The following ACE variants were observed in gnomAD, a reference collection of about 807,000 sequenced individuals.
The protein encoded by ACE is angiotensin I converting enzyme.
In ACE, 122 loss-of-function variants were observed where a neutral mutation model predicts 162.3. The observed-to-expected ratio is 0.75, with a 90% CI of 0.65 to 0.87. The LOEUF (loss-of-function observed/expected upper bound fraction) is 0.87, where lower values mean the gene tolerates loss of function less well. ACE is among the 40% of genes least tolerant of loss of function. The pLI is 0.00. For synonymous variants in ACE, 796 were observed against 720.6 expected, an observed-to-expected ratio of 1.10 and a Z score of -1.68; for missense variants, 1,799 against 1,735.1, an observed-to-expected ratio of 1.04 and a Z score of -0.65.
At chr17:63,496,599 G>A (rs1303625154) in intron 23 of ACE, 83 bp downstream of exon 23, 1 of 1,610,034 alleles carries the variant, frequency 6.2e-7, no homozygotes, top group Non-Finnish European at 8.5e-7. Context: ...TGGAGCTTTT[G>A]TGGGAACACT....
intron 15 of ACE, 139 bp from the exon 16 acceptor site, chr17:63,488,509 A>G: frequency 3.6e-6 from 3 of 827,616 alleles, no homozygotes; most frequent in Non-Finnish European, 5.8e-6. Flanking sequence ...CCTTTCTCCC[A>G]TTTCTCTAGA....
chr17:63,482,298 C>CT (rs1365066007), intron 7 of ACE, among the ~76,000 whole-genome samples, 168 bp from the exon 8 acceptor site: 1 of 148,738 alleles, frequency 6.7e-6, no homozygotes, highest in Non-Finnish European at 1.5e-5. Flanking sequence ...GAGACGCTGT[C>CT]TCAAAAAAAA....
rs780322539 is a variant in ACE, at chr17:63,479,923, C to G, written c.655+11C>G. 7 of 1,604,338 alleles carry G rather than the reference C, an allele frequency of 4.4e-6. No homozygotes were observed. The South Asian group carries it at 7.7e-5, about 18-fold the overall frequency. ...CCTACAAGCAGGACGGTGAGCAGGC[C>G]TCTCCCTGTCCAGGAACCACGCCAG... is the stretch of plus-strand genomic sequence containing the variant. On this transcript the variant is annotated intron_variant, in intron 4 of 24. Transcript: ENST00000290866.
At chr17:63,480,207 A>T in intron 4 of ACE, 130 bp from the exon 5 acceptor site, 2 of 1,035,928 alleles carry the variant, frequency 1.9e-6, no homozygotes, top group South Asian at 2.7e-5. Flanking sequence ...TAGAGTGGCA[A>T]CCCCCAAGCC....
At chr17:63,489,389 A>G (rs1392243281) in intron 17 of ACE, among the ~76,000 whole-genome samples, 1 of 152,152 alleles carries the variant, frequency 6.6e-6, no homozygotes, top group Non-Finnish European at 1.5e-5. Flanking sequence ...AATCTTGTCC[A>G]GGAGACCACG....
rs1480664987 is a variant in ACE at position 63,491,844 on chromosome 17, C to T, written c.2912+463C>T. 6.6e-6 allele frequency among the ~76,000 whole-genome samples: 1 copy of T among 152,218 alleles called. No individual in the cohort carries two copies. The highest frequency in any genetic ancestry group is 1.5e-5 in the Non-Finnish European group (1 of 68,038). Reference sequence around the variant, plus strand: ...TTACCTATTGCTGTGCAACCAAGCACCCCAGAGCTTAGCCTTACGAAACAA... The same window carrying T: ...TTACCTATTGCTGTGCAACCAAGCATCCCAGAGCTTAGCCTTACGAAACAA... On this transcript the variant is annotated intron_variant, in intron 19 of 24. Transcript: ENST00000290866. This position sits in a 1 kb window ranked among gnomAD's most constrained non-coding sequence, Gnocchi z 4.4.
Position 63,482,528 on chromosome 17 carries a change from A to T in ACE, c.1181A>T (p.His394Leu). 6.2e-7 allele frequency: 1 copy of T among 1,614,054 alleles called. No individual in the cohort carries two copies. Among genetic ancestry groups the T allele is most frequent in the Non-Finnish European group, 8.5e-7 (1 of 1,180,000 alleles). Residue 394 changes from histidine to leucine, a missense_variant, in exon 8 of 25, where the codon CAT (histidine) becomes CTT (leucine). By Grantham distance (99) the His-to-Leu change is moderately conservative (BLOSUM62 -3). Coordinates refer to ENST00000290866, the MANE Select transcript of ACE (RefSeq NM_000789.4). ...TCCACAGTGCACCATGAGATGGGCC[A>T]TATACAGTACTACCTGCAGTACAAG... ...QLSTVHHEMG[H>L]IQYYLQYKDL...
chr17:63,483,217 C>A (rs775624416), intron 9 of ACE, 44 bp downstream of exon 9: 30 of 1,611,878 alleles, frequency 1.9e-5, no homozygotes, highest in Non-Finnish European at 2.3e-5. Flanking sequence ...CTAGCCCTCC[C>A]CAGCCTCCTG....
Position 63,497,082 on chromosome 17 carries a change from C to T in ACE, c.3692-55C>T, listed in dbSNP as rs2242638. 1.6e-3 allele frequency: 2,530 copies of T among 1,589,974 alleles called. 29 individuals carry two copies. In the East Asian group the frequency reaches 0.039, roughly 24 times the overall value. On this transcript the variant is annotated intron_variant, in intron 24 of 24. Coordinates refer to ENST00000290866, the MANE Select transcript of ACE (RefSeq NM_000789.4). ...CCTCGGAGCCTGGCCCTGCCCCGCA[C>T]CCTTGCCCTGCCCTGCCCTGCCCTG...
Position 63,486,661 on chromosome 17 carries a change from A to G in ACE, c.2163A>G (p.Ile721Met), listed in dbSNP as rs1424703433. Residue 721 changes from isoleucine to methionine, a missense_variant, in exon 14 of 25, where the codon ATA (isoleucine) becomes ATG (methionine). Physicochemically the swap from Ile to Met is conservative, Grantham distance 10. Coordinates refer to ENST00000290866, the MANE Select transcript of ACE (RefSeq NM_000789.4). ...AGAACACCACTATCAAGCGGATCAT[A>G]AAGAAGGTTCAGGACCTAGAACGGG... ...QLQNTTIKRI[I>M]KKVQDLERAA... 6.2e-7 allele frequency: 1 copy of G among 1,614,120 alleles called. No individual in the cohort carries two copies. Among genetic ancestry groups the G allele is most frequent in the Non-Finnish European group, 8.5e-7 (1 of 1,180,052 alleles).
At chr17:63,494,548 T>C in intron 22 of ACE, 78 bp downstream of exon 22, 5 of 1,316,138 alleles carry the variant, frequency 3.8e-6, no homozygotes, top group Non-Finnish European at 5.4e-6. Flanking sequence ...CACTGCCCGG[T>C]CCACAAGCTC....
intron 20 of ACE, 113 bp downstream of exon 20, chr17:63,493,772 A>G (rs1053861896): frequency 1.0e-4 from 157 of 1,518,598 alleles, no homozygotes; most frequent in Non-Finnish European, 1.3e-4. Context: ...GGGCAGAGCA[A>G]TCGGAAGGAA....
chr17:63,483,567 G>GCGGGGGCCGCCCCCCCCC lies in ACE; in HGVS notation c.1586+10_1586+11insGGGGGCCGCCCCCCCCCC. On this transcript the variant is annotated intron_variant, in intron 10 of 24. Transcript: ENST00000290866. Reference sequence around the variant, plus strand: ...GTGACACCATACATCAGGTATTAGCGCCCCCACCCCACCCACCCCCAGTAC... The same window carrying GCGGGGGCCGCCCCCCCCC: ...GTGACACCATACATCAGGTATTAGCGCGGGGGCCGCCCCCCCCCCCCCCACCCCACCCACCCCCAGTAC... 1 of 1,589,582 alleles carries GCGGGGGCCGCCCCCCCCC rather than the reference G, an allele frequency of 6.3e-7. No homozygotes were observed. Among genetic ancestry groups the GCGGGGGCCGCCCCCCCCC allele is most frequent in the Non-Finnish European group, 8.6e-7 (1 of 1,165,688 alleles).
rs1037532234 is a variant in ACE, at chr17:63,497,863, C to T, written c.*497C>T. 5 of 282,364 alleles carry T rather than the reference C, an allele frequency of 1.8e-5. No individual in the cohort carries two copies. The highest frequency in any genetic ancestry group is 1.0e-4 in the South Asian group (3 of 28,950). The allele number at this position is 282,364 out of a possible 1,614,324, so 17.5% of individuals were successfully genotyped here. On this transcript the variant is annotated 3_prime_UTR_variant, in exon 25 of 25. Transcript: ENST00000290866. ...CCTGTCTGGCCCAAGCACTGACCCACGCGGACTCTGGGAAGCAGACATCCT... is the reference window on the plus strand; with the variant it reads ...CCTGTCTGGCCCAAGCACTGACCCATGCGGACTCTGGGAAGCAGACATCCT...
chr17:63,496,246 T>C (rs963704484), intron 22 of ACE, 148 bp from the exon 23 acceptor site: 6 of 1,199,214 alleles, frequency 5.0e-6, no homozygotes, highest in Non-Finnish European at 7.3e-6. Context: ...CTCACCCTGA[T>C]AGCTGTGGGC....
intron 17 of ACE, chr17:63,490,639 C>G: frequency 2.4e-6 from 1 of 415,960 alleles, no homozygotes; most frequent in South Asian, 2.2e-5. Context: ...TGTAGGTGTT[C>G]TGGGGACCTG....
In ACE at chr17:63,497,477, C is replaced by T; in HGVS notation, c.*111C>T. 1.0e-6 allele frequency: 1 copy of T among 999,822 alleles called. No homozygotes were observed. The allele number at this position is 999,822 out of a possible 1,614,324, so 61.9% of individuals were successfully genotyped here. On this transcript the variant is annotated 3_prime_UTR_variant, in exon 25 of 25. Transcript: ENST00000290866. ...CACACCCCAGCCCACCCTGCTCCTC[C>T]TGCCCTGTCCCTGTCCCCCTCCCCT...
chr17:63,488,867 C>T (rs753390549), intron 16 of ACE, 74 bp from the exon 17 acceptor site: 1 of 1,613,554 alleles, frequency 6.2e-7, no homozygotes, highest in Non-Finnish European at 8.5e-7. Context: ...AAACCCCAAG[C>T]CTAGGAAAAG....
At position 63,492,416 on chromosome 17, in the gene ACE, A is replaced by T. The variant is rs1228403196; in HGVS notation, c.2913-1020A>T. 4.6e-5 allele frequency among the ~76,000 whole-genome samples: 7 copies of T among 152,228 alleles called. No homozygotes were observed. In the East Asian group the frequency reaches 1.3e-3, roughly 29 times the overall value. Reference sequence around the variant, plus strand: ...CTGAAGAAGTGTCTCTTACAAGGAGAACAGACACGGGGAGCCTGAAACAAA... The same window carrying T: ...CTGAAGAAGTGTCTCTTACAAGGAGTACAGACACGGGGAGCCTGAAACAAA... On this transcript the variant is annotated intron_variant, in intron 19 of 24. Coordinates refer to ENST00000290866, the MANE Select transcript of ACE (RefSeq NM_000789.4).
Sources: gnomAD v4.1 joint callset for allele counts (sites outside exome capture counted in the v4.1 genomes callset) on GRCh38, gnomAD v4.1.1 for gene constraint, Gnocchi (gnomAD v3.1) non-coding constraint, MANE v1.5 for transcripts, NCBI Gene and HGNC (gene_info 2026-07-23, HGNC 2026-07-21) for gene names.